NEU3: variants seen among roughly 807,000 people sequenced by gnomAD.
The protein encoded by NEU3 is neuraminidase 3.
Under a neutral mutation model 11.4 loss-of-function variants are expected in NEU3, and 10 were observed. The ratio of observed to expected loss-of-function variants is 0.88; its 90% CI spans 0.54 to 1.49. The LOEUF (loss-of-function observed/expected upper bound fraction) is 1.49. Ranked by LOEUF, NEU3 falls within the 40% of genes most tolerant of loss-of-function variation. The pLI, the probability that NEU3 is intolerant of heterozygous loss-of-function variation, is 0.00. For synonymous variants in NEU3, 212 were observed against 228.2 expected (o/e 0.93, Z 0.64); for missense variants, 529 against 581.8 (o/e 0.91, Z 0.93).
chr11:75,019,830 T>C (rs989149914), downstream of NEU3, among the ~76,000 whole-genome samples: 2 of 152,198 alleles, frequency 1.3e-5, no homozygotes, highest in African/African-American at 4.8e-5. Flanking sequence ...ACTAGGGCAC[T>C]GCCTAGTGGA....
At chr11:74,984,392 C>T (rs1375334976), upstream of NEU3, among the ~76,000 whole-genome samples, 1 of 152,176 alleles carries the variant, frequency 6.6e-6, no homozygotes, top group East Asian at 1.9e-4. Flanking sequence ...TCATCTGGCT[C>T]TCTGCGTCAT....
chr11:75,004,902 T>C (rs1948882314), intron 2 of NEU3, among the ~76,000 whole-genome samples: 1 of 152,184 alleles, frequency 6.6e-6, no homozygotes, highest in Non-Finnish European at 1.5e-5. Context: ...CTTTTCTTTT[T>C]TCTTTCTTTC....
chr11:74,984,653 T>C (rs555326308), upstream of NEU3, among the ~76,000 whole-genome samples: 64 of 152,300 alleles, frequency 4.2e-4, no homozygotes, highest in Middle Eastern at 3.4e-3. Context: ...TCTTACTTGA[T>C]CGCATTACTT....
upstream of NEU3, among the ~76,000 whole-genome samples, chr11:74,983,559 AGAG>A (rs1948651372): frequency 1.3e-5 from 2 of 152,374 alleles, no homozygotes; most frequent in South Asian, 4.1e-4. Flanking sequence ...AACAGCGGCC[AGAG>A]GAGCTTCCTG....
At chr11:74,991,091 A>G (rs528608491) in intron 1 of NEU3, among the ~76,000 whole-genome samples, 2 of 152,344 alleles carry the variant, frequency 1.3e-5, no homozygotes, top group Admixed American at 1.3e-4. Flanking sequence ...GTTGAATAAC[A>G]TGCCCAAGGT....
At chr11:75,001,134 T>C (rs1418333276) in intron 2 of NEU3, among the ~76,000 whole-genome samples, 1 of 152,184 alleles carries the variant, frequency 6.6e-6, no homozygotes, top group African/African-American at 2.4e-5. Flanking sequence ...TTTTCTGGTG[T>C]GTGTGTGTGG....
intron 2 of NEU3, among the ~76,000 whole-genome samples, chr11:75,002,843 C>A (rs11236282): frequency 0.24 from 35,896 of 152,136 alleles, 5,494 homozygotes; most frequent in East Asian, 0.54. Context: ...TTCTTTTGGT[C>A]TGGCTTTTGT....
intron 2 of NEU3, among the ~76,000 whole-genome samples, chr11:75,005,117 C>A (rs1948884272): frequency 6.6e-6 from 1 of 151,932 alleles, no homozygotes; most frequent in African/African-American, 2.4e-5. Flanking sequence ...TCATGGAAGG[C>A]TTTATAAAGG....
chr11:74,997,888 G>T (rs2140241552), intron 2 of NEU3, among the ~76,000 whole-genome samples: 1 of 151,804 alleles, frequency 6.6e-6, no homozygotes, highest in Admixed American at 6.6e-5. Context: ...CTTTTTCTTT[G>T]CATTTACAGC....
At chr11:75,000,826 A>G (rs1459918972) in intron 2 of NEU3, among the ~76,000 whole-genome samples, 2 of 131,352 alleles carry the variant, frequency 1.5e-5, no homozygotes, top group Non-Finnish European at 3.4e-5. Context: ...TATTGTAGAA[A>G]TGGGGTTTCA....
At chr11:74,992,797 A>G (rs972167967) in intron 1 of NEU3, among the ~76,000 whole-genome samples, 3 of 152,114 alleles carry the variant, frequency 2.0e-5, no homozygotes, top group African/African-American at 7.2e-5. Context: ...CGTCTCTGCT[A>G]AAAATACAAA....
chr11:74,997,466 T>G (rs766388201), intron 2 of NEU3, among the ~76,000 whole-genome samples: 5 of 152,200 alleles, frequency 3.3e-5, no homozygotes, highest in Non-Finnish European at 5.9e-5. Flanking sequence ...TATCCAGACC[T>G]CTAAAGCTTT....
In NEU3 at chr11:74,988,942, G is replaced by A; in HGVS notation, c.-119G>A. 1 of 779,938 alleles carries A rather than the reference G, an allele frequency of 1.3e-6. No individual in the cohort carries two copies. The highest frequency in any genetic ancestry group is 2.1e-6 in the Non-Finnish European group (1 of 480,676). The allele number at this position is 779,938 out of a possible 1,614,324, so 48.3% of individuals were successfully genotyped here. A position where few individuals can be genotyped will look rare whatever the true frequency, so the allele number is the denominator to read the frequency against. On this transcript the variant is annotated 5_prime_UTR_variant, in exon 1 of 3. Coordinates refer to ENST00000294064, the MANE Select transcript of NEU3 (RefSeq NM_006656.6). ...GTTACCTGTTTCCGGCAGTCGACACGCTCTTCGCTTCTCGGGGCTTGTCTC... is the reference window on the plus strand; with the variant it reads ...GTTACCTGTTTCCGGCAGTCGACACACTCTTCGCTTCTCGGGGCTTGTCTC...
downstream of NEU3, among the ~76,000 whole-genome samples, chr11:75,013,587 G>C (rs1170581959): frequency 6.6e-6 from 1 of 152,176 alleles, no homozygotes; most frequent in Non-Finnish European, 1.5e-5. Context: ...AACCCAGCCT[G>C]GGTATGGAAG....
rs1012382504 is a variant in NEU3 at position 75,008,998 on chromosome 11, C to G, written c.*2506C>G. The stretch of plus-strand genomic sequence containing the variant: ...GCCCTCCTCTTACTTCTTCCCCCTG[C>G]CTCATGTTTTTTCTCTTTAATGACT... On this transcript the variant is annotated 3_prime_UTR_variant, in exon 3 of 3. Coordinates refer to ENST00000294064, the MANE Select transcript of NEU3 (RefSeq NM_006656.6). 6.6e-6 allele frequency: 1 copy of G among 152,250 alleles called. No homozygotes were observed. The highest frequency in any genetic ancestry group is 2.4e-5 in the African/African-American group (1 of 41,430). The allele number at this position is 152,250 out of a possible 1,614,324, so 9.4% of individuals were successfully genotyped here. A position where few individuals can be genotyped will look rare whatever the true frequency, so the allele number is the denominator to read the frequency against.
Position 74,988,958 on chromosome 11 carries a change from G to T in NEU3, c.-103G>T. The T allele has an allele frequency of 1.1e-6, 1 of 876,098 alleles. No individual in the cohort carries two copies. The highest frequency in any genetic ancestry group is 1.5e-5 in the South Asian group (1 of 66,922). The allele number at this position is 876,098 out of a possible 1,614,324, so 54.3% of individuals were successfully genotyped here. A position where few individuals can be genotyped will look rare whatever the true frequency, so the allele number is the denominator to read the frequency against. ...AGTCGACACGCTCTTCGCTTCTCGGGGCTTGTCTCCGTGTCCTCCGTCTCA... is the reference window on the plus strand; with the variant it reads ...AGTCGACACGCTCTTCGCTTCTCGGTGCTTGTCTCCGTGTCCTCCGTCTCA... On this transcript the variant is annotated 5_prime_UTR_variant, in exon 1 of 3. Transcript: ENST00000294064.
rs1565498599 is a variant in NEU3, at chr11:75,008,213, A to G, written c.*1721A>G. The G allele has an allele frequency of 6.6e-6, 1 of 152,242 alleles. No individual in the cohort carries two copies. 9.4% of individuals were successfully genotyped at this position (152,242 alleles called of 1,614,324 possible). On this transcript the variant is annotated 3_prime_UTR_variant, in exon 3 of 3. Coordinates refer to ENST00000294064, the MANE Select transcript of NEU3 (RefSeq NM_006656.6). ...CATTTGTGGTTCTCCATTGCCTATTATAATGTAAAGATGTTTACATTTAGC... is the reference window on the plus strand; with the variant it reads ...CATTTGTGGTTCTCCATTGCCTATTGTAATGTAAAGATGTTTACATTTAGC...
chr11:74,981,795 T>C, the NEU3 span, among the ~76,000 whole-genome samples: 16 of 152,268 alleles, frequency 1.1e-4, no homozygotes, highest in South Asian at 8.3e-4. Flanking sequence ...AGGCCTTTCA[T>C]GGGCTGGATT....
At position 75,006,528 on chromosome 11, in the gene NEU3, C is replaced by A. The variant is rs374055678; in HGVS notation, c.*36C>A. On this transcript the variant is annotated 3_prime_UTR_variant, in exon 3 of 3. Transcript: ENST00000294064. ...ACCCAATTTCCATAGATGCAAATGG[C>A]AGTTACAGACAGGTTAACAGAAGCT... 2 of 1,564,004 alleles carry A rather than the reference C, an allele frequency of 1.3e-6. No individual in the cohort carries two copies. Among genetic ancestry groups the A allele is most frequent in the African/African-American group, 1.4e-5 (1 of 73,704 alleles).
Sources: gnomAD v4.1 joint callset for allele counts (sites outside exome capture counted in the v4.1 genomes callset) on GRCh38, gnomAD v4.1.1 for gene constraint, MANE v1.5 for transcripts, NCBI Gene and HGNC (gene_info 2026-07-23, HGNC 2026-07-21) for gene names.